Variants in ASAP1 observed in about 807,000 individuals in gnomAD.
ASAP1 encodes ArfGAP with SH3 domain, ankyrin repeat and PH domain 1.
ASAP1 carries 43 observed loss-of-function variants against 145.2 expected under a neutral mutation model. That is an observed-to-expected ratio of 0.30 (90% CI 0.23 to 0.38). The LOEUF is 0.38. Among genes scored for constraint, ASAP1 ranks in the 10% least tolerant of loss-of-function variants. The pLI, the probability that ASAP1 is intolerant of heterozygous loss-of-function variation, is 1.00. For synonymous variants in ASAP1, 546 were observed against 515.5 expected, an observed-to-expected ratio of 1.06 and a Z score of -0.80; for missense variants, 1,018 against 1,355.3, an observed-to-expected ratio of 0.75 and a Z score of 3.91.
At chr8:130,278,410 C>T (rs571292794) in intron 3 of ASAP1, among the ~76,000 whole-genome samples, 1 of 152,136 alleles carries the variant, frequency 6.6e-6, no homozygotes, top group African/African-American at 2.4e-5. Flanking sequence ...TATGACCCTA[C>T]CTAAAAATGA....
intron 3 of ASAP1, among the ~76,000 whole-genome samples, chr8:130,294,625 A>G (rs1321080684): frequency 6.6e-6 from 1 of 152,224 alleles, no homozygotes; most frequent in African/African-American, 2.4e-5. Flanking sequence ...GACTTACACA[A>G]ATCTAAGTTC....
intron 24 of ASAP1, among the ~76,000 whole-genome samples, chr8:130,095,947 T>G (rs7833007): frequency 6.6e-6 from 1 of 151,872 alleles, no homozygotes; most frequent in East Asian, 1.9e-4. Flanking sequence ...GAGGCCAATA[T>G]GTTTCACTTA....
chr8:130,400,542 C>T (rs1417778267), intron 2 of ASAP1, among the ~76,000 whole-genome samples: 1 of 151,370 alleles, frequency 6.6e-6, no homozygotes. Context: ...TAATCCAGCA[C>T]TTTGGGAGGC....
intron 24 of ASAP1, among the ~76,000 whole-genome samples, chr8:130,103,610 T>A (rs149644165): frequency 0.02 from 3,033 of 152,200 alleles, 46 homozygotes; most frequent in East Asian, 0.053. Context: ...TTCAAGTGAT[T>A]TTCTGCCTCA....
At chr8:130,225,438 A>G (rs554916837) in intron 4 of ASAP1, among the ~76,000 whole-genome samples, 7 of 152,338 alleles carry the variant, frequency 4.6e-5, no homozygotes, top group African/African-American at 1.7e-4. Context: ...AAGTTATTAA[A>G]CTTTTTAAAG....
At chr8:130,187,170 TTTG>T (rs963733789) in intron 7 of ASAP1, 63 bp downstream of exon 7, 3 of 1,391,400 alleles carry the variant, frequency 2.2e-6, no homozygotes, top group African/African-American at 1.5e-5. Flanking sequence ...AGTTTTTTTT[TTTG>T]TTGTCCAAAA....
At chr8:130,131,584 G>C (rs1394538405) in intron 15 of ASAP1, among the ~76,000 whole-genome samples, 1 of 105,970 alleles carries the variant, frequency 9.4e-6, no homozygotes, top group African/African-American at 3.8e-5. Flanking sequence ...GGTAACAACA[G>C]CAAGACCTCA....
intron 29 of ASAP1, 49 bp from the exon 30 acceptor site, chr8:130,054,854 C>T (rs776918126): frequency 1.3e-6 from 2 of 1,508,186 alleles, no homozygotes; most frequent in Admixed American, 1.7e-5. Context: ...AGGCAGTGGC[C>T]CCACGACAAA....
At chr8:130,368,306 T>C (rs1827055808) in intron 2 of ASAP1, among the ~76,000 whole-genome samples, 1 of 152,232 alleles carries the variant, frequency 6.6e-6, no homozygotes. Flanking sequence ...TTTGTGTGAA[T>C]AAACTACTTT....
rs188360397 is a variant in ASAP1 at position 130,148,388 on chromosome 8, G to A, written c.1080+4348C>T. Among the ~76,000 whole-genome samples, 27 of 152,332 alleles carry A rather than the reference G, an allele frequency of 1.8e-4. 1 individual carries two copies. Among genetic ancestry groups the A allele is most frequent in the Admixed American group, 6.5e-5 (1 of 15,306 alleles). ...AGTATTCACTGAGCACTAAGTACAC[G>A]TCAGGCAATGTGTTAGGTACTGAAA... On this transcript the variant is annotated intron_variant, in intron 13 of 29. Transcript: ENST00000518721.
intron 5 of ASAP1, among the ~76,000 whole-genome samples, chr8:130,205,398 A>C (rs1047839555): frequency 1.8e-4 from 27 of 151,744 alleles, no homozygotes; most frequent in African/African-American, 3.4e-4. Flanking sequence ...AAAAAAAAAA[A>C]AACAAAAACC....
intron 4 of ASAP1, among the ~76,000 whole-genome samples, chr8:130,222,157 T>C (rs894681829): frequency 6.6e-6 from 1 of 152,230 alleles, no homozygotes; most frequent in Admixed American, 6.5e-5. Flanking sequence ...CAATACTCTT[T>C]AAACATACTT....
intron 3 of ASAP1, among the ~76,000 whole-genome samples, chr8:130,329,383 T>G (rs1824537998): frequency 6.6e-6 from 1 of 152,220 alleles, no homozygotes; most frequent in South Asian, 2.1e-4. Flanking sequence ...CTGTGAGAAC[T>G]TGCACAGTTG....
At chr8:130,160,037 G>A (rs1274115969) in intron 11 of ASAP1, 73 bp from the exon 12 acceptor site, 3 of 1,332,334 alleles carry the variant, frequency 2.3e-6, no homozygotes, top group African/African-American at 1.4e-5. Flanking sequence ...TTCTGCCATT[G>A]AGCCTTTGGC....
intron 24 of ASAP1, among the ~76,000 whole-genome samples, chr8:130,102,915 T>C (rs2097531144): frequency 6.6e-6 from 1 of 152,362 alleles, no homozygotes; most frequent in African/African-American, 2.4e-5. Flanking sequence ...GGTCTCAAAC[T>C]TCTGGCCTCA....
In ASAP1 at chr8:130,054,358, C is replaced by A; in HGVS notation, c.*373G>T. ...TTCAGTAACACAATTGAGAATACTG[C>A]ATTGTTAGGAACAGAGTCAATTCTA... On this transcript the variant is annotated 3_prime_UTR_variant, in exon 30 of 30. Transcript: ENST00000518721. 5.3e-6 allele frequency: 1 copy of A among 189,080 alleles called. No individual in the cohort carries two copies. Among genetic ancestry groups the A allele is most frequent in the Non-Finnish European group, 1.1e-5 (1 of 88,268 alleles). 11.7% of individuals were successfully genotyped at this position (189,080 alleles called of 1,614,324 possible).
chr8:130,428,195 C>T (rs1287394246), intron 1 of ASAP1, among the ~76,000 whole-genome samples: 1 of 152,068 alleles, frequency 6.6e-6, no homozygotes, highest in Non-Finnish European at 1.5e-5. Flanking sequence ...CAGTGTCCAT[C>T]TCACTCTCTA....
chr8:130,353,491 G>GTC (rs1826121260), intron 3 of ASAP1, among the ~76,000 whole-genome samples: 1 of 152,192 alleles, frequency 6.6e-6, no homozygotes, highest in African/African-American at 2.4e-5. Flanking sequence ...TGACAGCAAA[G>GTC]TCTCCTATGT....
chr8:130,197,572 T>C (rs906896785), intron 5 of ASAP1, among the ~76,000 whole-genome samples: 2 of 152,242 alleles, frequency 1.3e-5, no homozygotes, highest in Admixed American at 6.5e-5. Context: ...TATTACTAAA[T>C]AACTTGGCCA....
Sources: gnomAD v4.1 joint callset for allele counts (sites outside exome capture counted in the v4.1 genomes callset) on GRCh38, gnomAD v4.1.1 for gene constraint, MANE v1.5 for transcripts, NCBI Gene and HGNC (gene_info 2026-07-23, HGNC 2026-07-21) for gene names.